Variants in HS1BP3 observed in about 807,000 individuals in gnomAD.
HS1BP3 encodes the protein HCLS1-binding protein 3.
HS1BP3 carries 32 observed loss-of-function variants against 33.5 expected under a neutral mutation model. The ratio of observed to expected loss-of-function variants is 0.95; its 90% CI spans 0.72 to 1.28. The LOEUF (loss-of-function observed/expected upper bound fraction) is 1.28. Ranked by LOEUF, HS1BP3 falls within the 50% of genes most tolerant of loss-of-function variation. HS1BP3 has a pLI of 0.00. For synonymous variants in HS1BP3, 187 were observed against 209.2 expected (o/e 0.89, Z 0.92); for missense variants, 486 against 502.3 (o/e 0.97, Z 0.31).
At chr2:20,596,572 C>T (rs776364965) in intron 3 of HS1BP3, among the ~76,000 whole-genome samples, 32 of 152,242 alleles carry the variant, frequency 2.1e-4, no homozygotes, top group Non-Finnish European at 2.6e-4. Flanking sequence ...TTGGACTTCT[C>T]AGCCTCCAGA....
chr2:20,624,685 CT>C (rs764442536), intron 5 of HS1BP3, 46 bp downstream of exon 5: 2 of 1,533,306 alleles, frequency 1.3e-6, no homozygotes, highest in Non-Finnish European at 1.8e-6. Flanking sequence ...GGTGATGGGG[CT>C]GGGCACCGAG....
intron 2 of HS1BP3, among the ~76,000 whole-genome samples, chr2:20,612,568 G>A (rs1005971559): frequency 2.6e-5 from 4 of 152,246 alleles, no homozygotes; most frequent in East Asian, 3.9e-4. Context: ...CATACAATAC[G>A]TGGTCTTTTG....
intron 2 of HS1BP3, among the ~76,000 whole-genome samples, chr2:20,598,971 C>T (rs1694010083): frequency 6.6e-6 from 1 of 152,104 alleles, no homozygotes; most frequent in Non-Finnish European, 1.5e-5. Flanking sequence ...CAAGGGGTCC[C>T]GGGAGGGAAG....
At chr2:20,584,418 C>T (rs1381867006) in intron 5 of HS1BP3, among the ~76,000 whole-genome samples, 1 of 152,256 alleles carries the variant, frequency 6.6e-6, no homozygotes, top group Non-Finnish European at 1.5e-5. Flanking sequence ...AGCCTGCCTG[C>T]TCCAGCTCTC....
chr2:20,638,760 C>T, intron 3 of HS1BP3, 108 bp from the exon 4 acceptor site: 1 of 828,012 alleles, frequency 1.2e-6, no homozygotes, highest in South Asian at 1.8e-5. Flanking sequence ...CGAGGGCTTC[C>T]TGCAGCCTCC....
At chr2:20,586,975 G>T (rs73235160) in intron 5 of HS1BP3, among the ~76,000 whole-genome samples, 6 of 152,194 alleles carry the variant, frequency 3.9e-5, no homozygotes, top group African/African-American at 7.2e-5. Flanking sequence ...CCTGGGCTGA[G>T]GGTGGCATAT....
chr2:20,606,597 TGTCTTTCCTGGCCAACTTTCCAGC>T, intron 2 of HS1BP3: 1 of 487,976 alleles, frequency 2.0e-6, no homozygotes, highest in South Asian at 1.6e-5. Context: ...ACTGGGTCTT[TGTCTTTCCTGGCCAACTTTCCAGC>T]GTCTTTCTTC....
intron 1 of HS1BP3, among the ~76,000 whole-genome samples, chr2:20,648,867 C>T (rs1352162253): frequency 2.0e-5 from 3 of 152,250 alleles, no homozygotes; most frequent in East Asian, 3.8e-4. Context: ...CTCATTCTTC[C>T]AGCAGCTTAG....
intron 4 of HS1BP3, 104 bp downstream of exon 4, chr2:20,638,332 A>G: frequency 8.6e-7 from 1 of 1,169,038 alleles, no homozygotes; most frequent in Admixed American, 2.3e-5. Flanking sequence ...CGAGGGGGCG[A>G]CCTGGGATGC....
chr2:20,577,952 C>G (rs1338703669), intron 5 of HS1BP3, among the ~76,000 whole-genome samples: 1 of 152,244 alleles, frequency 6.6e-6, no homozygotes, highest in African/African-American at 2.4e-5. Flanking sequence ...TCAAGCCTGT[C>G]CAGTGTGACT....
At chr2:20,646,685 C>T (rs1463840185) in intron 1 of HS1BP3, among the ~76,000 whole-genome samples, 1 of 152,252 alleles carries the variant, frequency 6.6e-6, no homozygotes, top group African/African-American at 2.4e-5. Context: ...ACACGCACAG[C>T]CAGCCCTCTG....
chr2:20,580,303 CAGCTCAGAAGTTCG>C (rs1164186421), intron 5 of HS1BP3, among the ~76,000 whole-genome samples: 1 of 152,162 alleles, frequency 6.6e-6, no homozygotes, highest in Non-Finnish European at 1.5e-5. Context: ...TGGATTGCCT[CAGCTCAGAAGTTCG>C]AGACCAGCCT....
At chr2:20,554,708 A>C in the HS1BP3 span, among the ~76,000 whole-genome samples, 1,522 of 147,606 alleles carry the variant, frequency 0.01, 16 homozygotes, top group Middle Eastern at 0.022. Context: ...CCACCTCACA[A>C]AAAAAAAAAA....
At chr2:20,574,000 G>C (rs1432146423) in intron 5 of HS1BP3, among the ~76,000 whole-genome samples, 1 of 152,200 alleles carries the variant, frequency 6.6e-6, no homozygotes, top group Non-Finnish European at 1.5e-5. Flanking sequence ...CACTCAACAT[G>C]GTTTTGAATG....
rs184266250 is a variant in HS1BP3, at chr2:20,593,182, G to A, written c.*13-388C>T. Among the ~76,000 whole-genome samples the A allele has an allele frequency of 7.3e-5, 11 of 151,590 alleles. No individual in the cohort carries two copies. The East Asian group carries it at 1.4e-3, about 19-fold the overall frequency. ...TCCACACGCTTCCTCCATCAGCATC[G>A]TCAGGTTTAGTCAATTGTTTGGTAT... On this transcript the variant is annotated intron_variant, in intron 3 of 3. Coordinates refer to the HS1BP3 transcript ENST00000415264.
At chr2:20,623,781 C>T in intron 6 of HS1BP3, 115 bp downstream of exon 6, 1 of 1,242,544 alleles carries the variant, frequency 8.0e-7, no homozygotes, top group Non-Finnish European at 1.1e-6. Flanking sequence ...TTTTCACAGG[C>T]CTGGGGTCCT....
intron 2 of HS1BP3, chr2:20,606,689 C>G: frequency 3.4e-6 from 1 of 297,414 alleles, no homozygotes; most frequent in Admixed American, 3.7e-5. Context: ...AACGCTACAG[C>G]CTCGCTAAGA....
At chr2:20,569,149 GGAGA>G (rs375950061) in intron 5 of HS1BP3, among the ~76,000 whole-genome samples, 1 of 151,946 alleles carries the variant, frequency 6.6e-6, no homozygotes, top group Admixed American at 6.6e-5. Context: ...AATGGAGGCA[GGAGA>G]GAGAGAGAGA....
chr2:20,641,083 A>G lies in HS1BP3; in HGVS notation c.296T>C (p.Phe99Ser). ...SLPPLPRKVL[F>S]VGESDIRERR... ...CTCCCGGATGTCAGACTCCCCAACA[A>G]ACAGGACCTTCCTGGGTAGTGGGGG... Residue 99 changes from phenylalanine to serine, a missense_variant, in exon 3 of 7, where the codon TTT (phenylalanine) becomes TCT (serine). Phe to Ser is a radical substitution (Grantham distance 155). Coordinates refer to ENST00000304031, the MANE Select transcript of HS1BP3 (RefSeq NM_022460.4). The G allele has an allele frequency of 6.2e-7, 1 of 1,614,024 alleles. No individual in the cohort carries two copies. Among genetic ancestry groups the G allele is most frequent in the Non-Finnish European group, 8.5e-7 (1 of 1,180,020 alleles).
Sources: allele counts gnomAD v4.1 joint callset (sites outside exome capture counted in the v4.1 genomes callset), GRCh38; gene constraint gnomAD v4.1.1; transcripts MANE v1.5; gene names NCBI Gene and HGNC (gene_info 2026-07-23, HGNC 2026-07-21).